AGBL1: variants seen among roughly 807,000 people sequenced by gnomAD.
AGBL1 encodes cytosolic carboxypeptidase 4.
Under a neutral mutation model 118.9 loss-of-function variants are expected in AGBL1, and 130 were observed. That is an observed-to-expected ratio of 1.09 (90% confidence interval 0.95 to 1.26). The LOEUF is 1.26. Among genes scored for constraint, AGBL1 ranks in the 50% most tolerant of loss-of-function variants. The pLI is 0.00. For missense variants in AGBL1, 1,584 were observed against 1,298.1 expected (o/e 1.22, Z -3.38); for synonymous variants, 555 against 478.9 (o/e 1.16, Z -2.08).
chr15:86,572,406 C>T (rs74598131), intron 21 of AGBL1, among the ~76,000 whole-genome samples: 6,459 of 152,270 alleles, frequency 0.042, 165 homozygotes, highest in Middle Eastern at 0.068. Flanking sequence ...GCTGGGTCCC[C>T]CTCTGAGAGT....
chr15:86,986,963 G>A (rs554506220), intron 23 of AGBL1, among the ~76,000 whole-genome samples: 3 of 151,756 alleles, frequency 2.0e-5, no homozygotes, highest in African/African-American at 4.8e-5. Flanking sequence ...GAAAATTACA[G>A]TCAAAGGGGG....
At chr15:86,254,092 C>A (rs1463194425) in intron 7 of AGBL1, among the ~76,000 whole-genome samples, 1 of 152,182 alleles carries the variant, frequency 6.6e-6, no homozygotes, top group Non-Finnish European at 1.5e-5. Flanking sequence ...AGTCAAGGTC[C>A]TTTTCCACTA....
chr15:86,507,011 A>G (rs2082985593), intron 18 of AGBL1, among the ~76,000 whole-genome samples: 1 of 152,042 alleles, frequency 6.6e-6, no homozygotes, highest in Non-Finnish European at 1.5e-5. Flanking sequence ...ATACCCAGTG[A>G]ACTGAAGATG....
In AGBL1 at chr15:86,399,199, C is replaced by T. The variant is rs893599834; in HGVS notation, c.2555+1653C>T. The stretch of plus-strand genomic sequence containing the variant: ...GCTGGAAAGGCCCCAAAGCAGTGTT[C>T]GCTCCTGGTCAAACAGAACTCAGCC... On this transcript the variant is annotated intron_variant, in intron 18 of 22. Coordinates refer to ENST00000614907, the MANE Select transcript of AGBL1 (RefSeq NM_001386094.1). Among the ~76,000 whole-genome samples, 18 of 152,080 alleles carry T rather than the reference C, an allele frequency of 1.2e-4. 1 individual carries two copies. Among genetic ancestry groups the T allele is most frequent in the African/African-American group, 3.4e-4 (14 of 41,410 alleles).
intron 22 of AGBL1, among the ~76,000 whole-genome samples, chr15:86,842,354 T>C (rs533299078): frequency 1.3e-5 from 2 of 152,326 alleles, no homozygotes; most frequent in African/African-American, 4.8e-5. Flanking sequence ...GATAGATCAA[T>C]TTCACTCTAA....
At chr15:86,085,903 C>A (rs1037171515) in intron 1 of AGBL1, among the ~76,000 whole-genome samples, 1 of 152,212 alleles carries the variant, frequency 6.6e-6, no homozygotes, top group African/African-American at 2.4e-5. Flanking sequence ...AAAGTCTCAT[C>A]CCCACTCTCA....
At chr15:86,828,006 T>TC (rs2141408643) in intron 22 of AGBL1, among the ~76,000 whole-genome samples, 1 of 141,036 alleles carries the variant, frequency 7.1e-6, no homozygotes, top group East Asian at 2.3e-4. Flanking sequence ...AGTTGTGTGA[T>TC]CATAGTCACT....
At chr15:86,301,904 T>C (rs919652477) in intron 17 of AGBL1, among the ~76,000 whole-genome samples, 4 of 152,156 alleles carry the variant, frequency 2.6e-5, no homozygotes, top group African/African-American at 9.7e-5. Flanking sequence ...ATCCAAAAAC[T>C]ATTCTCATGA....
At chr15:86,475,022 T>C (rs916405924) in intron 18 of AGBL1, among the ~76,000 whole-genome samples, 6 of 152,144 alleles carry the variant, frequency 3.9e-5, no homozygotes, top group Non-Finnish European at 8.8e-5. Context: ...TCCTGAATGT[T>C]AGAAGGAAAA....
intron 17 of AGBL1, among the ~76,000 whole-genome samples, chr15:86,357,701 C>A (rs117596659): frequency 6.6e-6 from 1 of 152,074 alleles, no homozygotes; most frequent in South Asian, 2.1e-4. Flanking sequence ...TTTAACATAG[C>A]GTGCTTCTTT....
At chr15:86,151,922 C>T (rs558992102) in intron 3 of AGBL1, among the ~76,000 whole-genome samples, 2 of 152,164 alleles carry the variant, frequency 1.3e-5, no homozygotes, top group South Asian at 4.2e-4. Flanking sequence ...TTCACAATTG[C>T]TACAAAGAGA....
chr15:86,317,519 C>G (rs1038806816), intron 17 of AGBL1, among the ~76,000 whole-genome samples: 6 of 152,138 alleles, frequency 3.9e-5, no homozygotes, highest in Admixed American at 2.0e-4. Context: ...TGAATCGGCA[C>G]CACTCCCTTG....
intron 22 of AGBL1, among the ~76,000 whole-genome samples, chr15:86,818,119 A>G (rs2078891265): frequency 6.6e-6 from 1 of 152,154 alleles, no homozygotes; most frequent in South Asian, 2.1e-4. Context: ...TGACACACAC[A>G]CACACACATG....
intron 17 of AGBL1, chr15:86,300,016 A>G (rs2079721247): frequency 6.6e-6 from 1 of 152,094 alleles, no homozygotes; most frequent in Non-Finnish European, 1.5e-5. Context: ...TCTCACACAG[A>G]TGGAGTTGCC....
intron 6 of AGBL1, among the ~76,000 whole-genome samples, chr15:86,243,154 C>T (rs1301535615): frequency 3.3e-5 from 5 of 151,518 alleles, no homozygotes; most frequent in Non-Finnish European, 7.4e-5. Flanking sequence ...ATTTTTTTTT[C>T]CTCCTGATTG....
At chr15:86,213,407 C>T (rs1042444386) in intron 5 of AGBL1, among the ~76,000 whole-genome samples, 3 of 152,168 alleles carry the variant, frequency 2.0e-5, no homozygotes, top group Non-Finnish European at 4.4e-5. Flanking sequence ...ATTCCTAGAC[C>T]ATAGCATTAG....
At chr15:86,205,708 C>T (rs1395852895) in intron 5 of AGBL1, among the ~76,000 whole-genome samples, 1 of 152,150 alleles carries the variant, frequency 6.6e-6, no homozygotes, top group Non-Finnish European at 1.5e-5. Context: ...ATGACATATG[C>T]TGTGAAGCAT....
chr15:86,363,157 C>T (rs574062828), intron 17 of AGBL1, among the ~76,000 whole-genome samples: 2 of 152,066 alleles, frequency 1.3e-5, no homozygotes, highest in South Asian at 4.2e-4. Context: ...TGAGCGTTGC[C>T]AGTGTTTTTC....
intron 5 of AGBL1, 61 bp downstream of exon 5, chr15:86,159,087 C>G: frequency 6.8e-7 from 1 of 1,472,298 alleles, no homozygotes; most frequent in Non-Finnish European, 9.5e-7. Context: ...TGGAGATTGC[C>G]CTACATGTAT....
Sources: gnomAD v4.1 joint callset for allele counts (sites outside exome capture counted in the v4.1 genomes callset) on GRCh38, gnomAD v4.1.1 for gene constraint, MANE v1.5 for transcripts, NCBI Gene and HGNC (gene_info 2026-07-23, HGNC 2026-07-21) for gene names.